The following RORB variants were observed in gnomAD, a reference collection of about 807,000 sequenced individuals.
RORB encodes nuclear receptor ROR-beta.
RORB carries 6 observed loss-of-function variants against 59.1 expected under a neutral mutation model. The observed-to-expected ratio is 0.10, with a 90% CI of 0.06 to 0.20. The LOEUF (loss-of-function observed/expected upper bound fraction) is 0.20. RORB is among the 10% of genes least tolerant of loss of function. The probability of loss-of-function intolerance (pLI) is 1.00; values close to 1 mark genes in which losing one functional copy is unlikely to be tolerated. For missense variants in RORB, 320 were observed against 560.5 expected, an observed-to-expected ratio of 0.57 and a Z score of 4.33; for synonymous variants, 215 against 204.5, an observed-to-expected ratio of 1.05 and a Z score of -0.44.
At chr9:74,608,788 G>T (rs1450116446) in intron 1 of RORB, among the ~76,000 whole-genome samples, 1 of 152,046 alleles carries the variant, frequency 6.6e-6, no homozygotes, top group Non-Finnish European at 1.5e-5. Flanking sequence ...CCTATTCTAC[G>T]TTGCACAAAA....
At chr9:74,658,198 GGATTCAAATAACCACAGTATGA>G (rs1824120582) in intron 4 of RORB, among the ~76,000 whole-genome samples, 1 of 151,912 alleles carries the variant, frequency 6.6e-6, no homozygotes, top group Non-Finnish European at 1.5e-5. Flanking sequence ...ACAAACAGAG[GGATTCAAATAACCACAGTATGA>G]GTCTCACTGG....
chr9:74,584,277 T>C (rs986588246), intron 1 of RORB, among the ~76,000 whole-genome samples: 2 of 152,234 alleles, frequency 1.3e-5, no homozygotes, highest in Non-Finnish European at 2.9e-5. Flanking sequence ...GATAGTATGA[T>C]GGAGTGGTAG....
At chr9:74,590,413 A>G (rs986970512) in intron 1 of RORB, among the ~76,000 whole-genome samples, 2 of 152,236 alleles carry the variant, frequency 1.3e-5, no homozygotes, top group Admixed American at 1.3e-4. Flanking sequence ...TAAGAGTTGT[A>G]GTGGTTAAAA....
intron 4 of RORB, among the ~76,000 whole-genome samples, chr9:74,655,868 T>A (rs1824069927): frequency 6.6e-6 from 1 of 152,134 alleles, no homozygotes; most frequent in African/African-American, 2.4e-5. Flanking sequence ...GTCAAGTCGG[T>A]TTTTGCACAT....
At chr9:74,531,103 A>C (rs1826230932) in intron 1 of RORB, among the ~76,000 whole-genome samples, 1 of 151,994 alleles carries the variant, frequency 6.6e-6, no homozygotes, top group South Asian at 2.1e-4. Context: ...TATGTCATGA[A>C]AAAGCCTTCA....
At chr9:74,652,150 G>A (rs1047001159) in intron 4 of RORB, among the ~76,000 whole-genome samples, 3 of 152,088 alleles carry the variant, frequency 2.0e-5, no homozygotes, top group South Asian at 2.1e-4. Flanking sequence ...GAAGCCAGGC[G>A]CGGTGGCTCA....
chr9:74,509,488 T>C (rs1477620385), intron 1 of RORB, among the ~76,000 whole-genome samples: 1 of 152,056 alleles, frequency 6.6e-6, no homozygotes, highest in African/African-American at 2.4e-5. Context: ...ATGAAGACAA[T>C]AAAAAATTTC....
At chr9:74,500,023 G>T (rs1180377955) in intron 1 of RORB, among the ~76,000 whole-genome samples, 1 of 152,142 alleles carries the variant, frequency 6.6e-6, no homozygotes, top group Non-Finnish European at 1.5e-5. Context: ...CACGGCGGTC[G>T]CTTTGAGGAC....
intron 1 of RORB, among the ~76,000 whole-genome samples, chr9:74,605,675 A>G (rs1823138026): frequency 6.6e-6 from 1 of 152,222 alleles, no homozygotes; most frequent in Admixed American, 6.5e-5. Context: ...TAGTACTTAA[A>G]CATTAAAAAG....
intron 1 of RORB, among the ~76,000 whole-genome samples, chr9:74,565,053 A>G (rs190541151): frequency 2.6e-5 from 4 of 152,350 alleles, no homozygotes; most frequent in South Asian, 4.1e-4. Context: ...CTTGTCAGAC[A>G]CAGAAAAAGA....
intron 4 of RORB, among the ~76,000 whole-genome samples, chr9:74,654,803 T>A (rs528956921): frequency 4.7e-4 from 71 of 152,104 alleles, no homozygotes; most frequent in Non-Finnish European, 8.2e-4. Flanking sequence ...CAAAGAATAG[T>A]ATCAGGGTCA....
intron 1 of RORB, among the ~76,000 whole-genome samples, chr9:74,516,656 G>A (rs2118056678): frequency 6.6e-6 from 1 of 152,090 alleles, no homozygotes; most frequent in South Asian, 2.1e-4. Flanking sequence ...AAGCAGTCTG[G>A]GGACTTGGTT....
chr9:74,539,868 CAAA>C (rs11322021), intron 1 of RORB, among the ~76,000 whole-genome samples: 16 of 113,576 alleles, frequency 1.4e-4, no homozygotes, highest in Admixed American at 3.5e-4. Context: ...CTTAACCTCT[CAAA>C]AAAAAAAAAA....
At chr9:74,603,486 T>C (rs1191471941) in intron 1 of RORB, among the ~76,000 whole-genome samples, 1 of 152,182 alleles carries the variant, frequency 6.6e-6, no homozygotes. Flanking sequence ...CCAAAGCCCA[T>C]GCCACAAACT....
chr9:74,523,939 C>T (rs1028068518), intron 1 of RORB, among the ~76,000 whole-genome samples: 1 of 150,634 alleles, frequency 6.6e-6, no homozygotes, highest in African/African-American at 2.4e-5. Context: ...GCACACCACT[C>T]CAGAGTTTGA....
At chr9:74,571,955 C>G (rs868476847) in intron 1 of RORB, among the ~76,000 whole-genome samples, 9 of 152,134 alleles carry the variant, frequency 5.9e-5, no homozygotes, top group Non-Finnish European at 1.3e-4. Flanking sequence ...TCCTGAGGCT[C>G]TTACCTGGTT....
intron 1 of RORB, among the ~76,000 whole-genome samples, chr9:74,570,095 T>C (rs1164352818): frequency 6.6e-6 from 1 of 152,144 alleles, no homozygotes; most frequent in Non-Finnish European, 1.5e-5. Context: ...GAAATCTTCT[T>C]TGGAGTGAAT....
At chr9:74,540,864 A>G (rs1337305109) in intron 1 of RORB, among the ~76,000 whole-genome samples, 1 of 152,202 alleles carries the variant, frequency 6.6e-6, no homozygotes, top group Non-Finnish European at 1.5e-5. Flanking sequence ...AGTTAAATAC[A>G]TCAATTATTT....
In RORB at chr9:74,642,586, G is replaced by A. The variant is rs765441867; in HGVS notation, c.408G>A (p.Glu136=). 1 of 1,614,206 alleles carries A rather than the reference G, an allele frequency of 6.2e-7. No homozygotes were observed. The highest frequency in any genetic ancestry group is 8.5e-7 in the Non-Finnish European group (1 of 1,180,030). The change falls in exon 4 of 10, where the codon GAG becomes GAA. Residue 136 remains glutamate (E), a synonymous_variant. Coordinates refer to ENST00000376896, the MANE Select transcript of RORB (RefSeq NM_006914.4). ...ISNGLSNLNN[E]TSGTYANGHV... ...ACGGCCTGAGCAACCTGAACAACGA[G>A]ACCAGCGGCACTTATGCCAACGGGC...
Sources: gnomAD v4.1 joint callset for allele counts (sites outside exome capture counted in the v4.1 genomes callset) on GRCh38, gnomAD v4.1.1 for gene constraint, MANE v1.5 for transcripts, NCBI Gene and HGNC (gene_info 2026-07-23, HGNC 2026-07-21) for gene names.